PRIM1: variants seen among roughly 807,000 people sequenced by gnomAD.
The protein encoded by PRIM1 is DNA primase subunit 1.
Under a neutral mutation model 60.2 loss-of-function variants are expected in PRIM1, and 38 were observed. The observed-to-expected ratio is 0.63, with a 90% CI of 0.49 to 0.83. PRIM1 has a LOEUF of 0.83. Among genes scored for constraint, PRIM1 ranks in the 40% least tolerant of loss-of-function variants. PRIM1 has a pLI of 0.00. For missense variants in PRIM1, 388 were observed against 506.2 expected (o/e 0.77, Z 2.24); for synonymous variants, 158 against 160.2 (o/e 0.99, Z 0.10).
intron 11 of PRIM1, among the ~76,000 whole-genome samples, chr12:56,735,967 T>C (rs1249118782): frequency 6.6e-6 from 1 of 152,044 alleles, no homozygotes; most frequent in Admixed American, 6.6e-5. Context: ...AAGTATTCTT[T>C]GATTTATAAA....
chr12:56,732,338 T>C (rs1195299313), intron 12 of PRIM1, among the ~76,000 whole-genome samples: 1 of 152,204 alleles, frequency 6.6e-6, no homozygotes, highest in Non-Finnish European at 1.5e-5. Context: ...TCTATAACAT[T>C]TTCCCTTCCA....
intron 11 of PRIM1, among the ~76,000 whole-genome samples, chr12:56,736,298 T>TAA (rs756452647): frequency 0.41 from 10,023 of 24,256 alleles, 3,449 homozygotes; most frequent in Non-Finnish European, 0.46. Context: ...ACTCTTTCTC[T>TAA]AAAAAAAAAA....
chr12:56,747,864 G>A (rs1440820740), intron 2 of PRIM1, among the ~76,000 whole-genome samples: 1 of 152,146 alleles, frequency 6.6e-6, no homozygotes, highest in Admixed American at 6.5e-5. Flanking sequence ...GGAAAGATAA[G>A]AGGCGCAACC....
intron 6 of PRIM1, 50 bp downstream of exon 6, chr12:56,744,015 A>G (rs1312866213): frequency 7.5e-7 from 1 of 1,336,402 alleles, no homozygotes; most frequent in Non-Finnish European, 1.0e-6. Flanking sequence ...CTAAAGGCAC[A>G]TGCCGGTAAA....
At chr12:56,748,918 T>C (rs977549412) in intron 2 of PRIM1, among the ~76,000 whole-genome samples, 1 of 152,116 alleles carries the variant, frequency 6.6e-6, no homozygotes, top group Non-Finnish European at 1.5e-5. Context: ...GACTAGCCAC[T>C]GCACTCCAGC....
chr12:56,736,249 GATTGCACC>G (rs1953828228), intron 11 of PRIM1, among the ~76,000 whole-genome samples: 1 of 114,024 alleles, frequency 8.8e-6, no homozygotes, highest in Non-Finnish European at 1.6e-5. Flanking sequence ...AATGAGCTGA[GATTGCACC>G]ATTGCACACC....
intron 12 of PRIM1, 21 bp from the exon 13 acceptor site, chr12:56,731,755 T>C: frequency 6.8e-7 from 1 of 1,477,982 alleles, no homozygotes; most frequent in Non-Finnish European, 9.2e-7. Flanking sequence ...ATAGATAATA[T>C]ATGGAAGAAC....
At chr12:56,742,292 A>G (rs1953877988) in intron 7 of PRIM1, among the ~76,000 whole-genome samples, 1 of 149,718 alleles carries the variant, frequency 6.7e-6, no homozygotes, top group Non-Finnish European at 1.5e-5. Flanking sequence ...TAAACTCAAC[A>G]GCTGTATCCG....
intron 1 of PRIM1, 177 bp downstream of exon 1, chr12:56,752,019 A>T (rs1179396500): frequency 5.0e-6 from 1 of 201,386 alleles, no homozygotes; most frequent in Non-Finnish European, 8.9e-6. Flanking sequence ...CTGGCTTATT[A>T]TATCCTCTCT....
chr12:56,741,408 G>A (rs202130551), intron 9 of PRIM1, 27 bp downstream of exon 9: 55 of 1,591,410 alleles, frequency 3.5e-5, no homozygotes, highest in Non-Finnish European at 6.0e-6. Context: ...TTTTCTTTTA[G>A]TTTTCCTTAG....
chr12:56,742,287 T>G (rs915545544), intron 7 of PRIM1, among the ~76,000 whole-genome samples: 1 of 150,674 alleles, frequency 6.6e-6, no homozygotes, highest in Non-Finnish European at 1.5e-5. Context: ...AATGTTAAAC[T>G]CAACAGCTGT....
chr12:56,741,983 T>A (rs1953875727), intron 7 of PRIM1, 146 bp from the exon 8 acceptor site: 1 of 830,344 alleles, frequency 1.2e-6, no homozygotes, highest in Non-Finnish European at 2.0e-6. Flanking sequence ...CTGGGCGTGG[T>A]GGCTCATGCC....
chr12:56,736,829 T>C (rs530721796), intron 11 of PRIM1, among the ~76,000 whole-genome samples: 1 of 152,030 alleles, frequency 6.6e-6, no homozygotes, highest in South Asian at 2.1e-4. Context: ...TGAGACAAGG[T>C]CTCTCTCTGA....
intron 2 of PRIM1, among the ~76,000 whole-genome samples, chr12:56,747,774 C>T (rs1953918686): frequency 6.6e-6 from 1 of 151,950 alleles, no homozygotes; most frequent in South Asian, 2.1e-4. Flanking sequence ...GTTAATTCCA[C>T]CATAAGTTTT....
intron 7 of PRIM1, 83 bp from the exon 8 acceptor site, chr12:56,741,920 C>A: frequency 8.3e-7 from 1 of 1,205,644 alleles, no homozygotes; most frequent in Non-Finnish European, 1.2e-6. Context: ...ACAAGGGTGT[C>A]TTACAAATAT....
chr12:56,737,018 T>C (rs539048930), intron 11 of PRIM1, among the ~76,000 whole-genome samples: 316 of 151,872 alleles, frequency 2.1e-3, no homozygotes, highest in African/African-American at 6.8e-3. Flanking sequence ...ACTCCTAGGC[T>C]CCTCTTGCCT....
intron 2 of PRIM1, among the ~76,000 whole-genome samples, chr12:56,747,263 G>A (rs572950737): frequency 6.6e-6 from 1 of 152,254 alleles, no homozygotes; most frequent in African/African-American, 2.4e-5. Flanking sequence ...CATCATAAAT[G>A]TTTGTTGGTC....
In PRIM1 at chr12:56,731,881, T is replaced by C; in HGVS notation, c.1244-147A>G. ...TACACATTTGCTGAAGTCCACATCA[T>C]AGGCTGAGCTAGTATGGAACAGTGA... On this transcript the variant is annotated intron_variant, in intron 12 of 12. Transcript: ENST00000338193. The C allele has an allele frequency of 9.2e-6, 6 of 653,762 alleles. No homozygotes were observed. The Middle Eastern group carries it at 1.5e-3, about 164-fold the overall frequency. 40.5% of individuals were successfully genotyped at this position (653,762 alleles called of 1,614,324 possible). A position where few individuals can be genotyped will look rare whatever the true frequency, so the allele number is the denominator to read the frequency against.
chr12:56,746,626 TCACACACA>T (rs71446569), intron 4 of PRIM1, 147 bp downstream of exon 4: 7,332 of 639,766 alleles, frequency 0.011, 29 homozygotes, highest in African/African-American at 0.028. Flanking sequence ...GTGAGACTCG[TCACACACA>T]CACACACACA....
Sources: allele counts gnomAD v4.1 joint callset (sites outside exome capture counted in the v4.1 genomes callset), GRCh38; gene constraint gnomAD v4.1.1; transcripts MANE v1.5; gene names NCBI Gene and HGNC (gene_info 2026-07-23, HGNC 2026-07-21).